Variants in CCDC157 observed in about 807,000 individuals in gnomAD.
CCDC157 encodes coiled-coil domain containing 157.
A neutral mutation model predicts 70.9 loss-of-function variants in CCDC157; 60 were observed. The ratio of observed to expected loss-of-function variants is 0.85; its 90% confidence interval spans 0.69 to 1.05. The LOEUF (loss-of-function observed/expected upper bound fraction) is 1.05. CCDC157 is among the 50% of genes least tolerant of loss of function. The probability of loss-of-function intolerance (pLI) is 0.00; values close to 1 mark genes in which losing one functional copy is unlikely to be tolerated. For missense variants in CCDC157, 943 were observed against 984.2 expected (o/e 0.96, Z 0.56); for synonymous variants, 373 against 422.4 (o/e 0.88, Z 1.43).
intron 9 of CCDC157, 181 bp downstream of exon 9, chr22:30,374,272 C>A: frequency 1.4e-6 from 1 of 698,128 alleles, no homozygotes; most frequent in Non-Finnish European, 2.5e-6. Context: ...CATGCGTCAT[C>A]CACTCTGCAT....
chr22:30,368,609 T>G (rs1344854400), intron 3 of CCDC157, among the ~76,000 whole-genome samples: 1 of 152,182 alleles, frequency 6.6e-6, no homozygotes, highest in Non-Finnish European at 1.5e-5. Context: ...AGTGCTGTTG[T>G]CCCTGTTTGC....
intron 2 of CCDC157, among the ~76,000 whole-genome samples, chr22:30,365,577 G>A (rs1932665570): frequency 6.6e-6 from 1 of 152,158 alleles, no homozygotes; most frequent in Admixed American, 6.5e-5. Context: ...GGATATGACA[G>A]TGGCCTGGTG....
chr22:30,372,367 G>C, intron 7 of CCDC157, 81 bp downstream of exon 7: 1 of 1,436,290 alleles, frequency 7.0e-7, no homozygotes, highest in Non-Finnish European at 9.1e-7. Context: ...GGGAATGGGG[G>C]ATCATCTATA....
intron 2 of CCDC157, among the ~76,000 whole-genome samples, chr22:30,364,749 A>G (rs989749772): frequency 1.3e-5 from 2 of 150,766 alleles, no homozygotes; most frequent in East Asian, 3.9e-4. Context: ...GCTGAGGTGG[A>G]GGCTGCAGTG....
At position 30,370,915 on chromosome 22, in the gene CCDC157, C is replaced by CT; in HGVS notation, c.1011dup (p.Glu338Ter). The CT allele has an allele frequency of 6.2e-7, 1 of 1,610,518 alleles. No homozygotes were observed. Among genetic ancestry groups the CT allele is most frequent in the Non-Finnish European group, 8.5e-7 (1 of 1,179,706 alleles). ...GCGGAGGAGGATGAGCAGTGCCTGT[C>CT]TGAGTGGGAGCACGACAAACAGCAG... On this transcript the variant is annotated frameshift_variant, in exon 5 of 12. Transcript: ENST00000338306. LOFTEE classifies it high-confidence loss of function.
chr22:30,375,674 G>A lies in CCDC157; in HGVS notation c.1857+11G>A. 1 of 1,607,992 alleles carries A rather than the reference G, an allele frequency of 6.2e-7. No homozygotes were observed. On this transcript the variant is annotated intron_variant, in intron 10 of 11. Coordinates refer to ENST00000338306, the MANE Select transcript of CCDC157 (RefSeq NM_001017437.5). ...CAGGGTGGCCTCAAGGTGGGCCTGA[G>A]AGGGCGGGCCCTTGGGGACCAGGAG... is the stretch of plus-strand genomic sequence containing the variant.
chr22:30,370,295 C>A, intron 4 of CCDC157, 31 bp from the exon 5 acceptor site: 1 of 1,607,364 alleles, frequency 6.2e-7, no homozygotes, highest in East Asian at 2.2e-5. Context: ...CTCTCCCTCA[C>A]CTGCTTTCCC....
At chr22:30,369,705 C>G (rs918259898) in intron 4 of CCDC157, 102 bp downstream of exon 4, 1 of 941,070 alleles carries the variant, frequency 1.1e-6, no homozygotes, top group Non-Finnish European at 1.5e-6. Flanking sequence ...TAGCCTACCA[C>G]TATGTGCACC....
chr22:30,364,419 C>A (rs1012662358), intron 2 of CCDC157, among the ~76,000 whole-genome samples: 4 of 152,122 alleles, frequency 2.6e-5, no homozygotes, highest in African/African-American at 7.2e-5. Context: ...TTGATCTTTA[C>A]AAATTATATG....
upstream of CCDC157, chr22:30,356,897 C>CCTG: frequency 9.5e-7 from 1 of 1,049,708 alleles, no homozygotes; most frequent in Non-Finnish European, 1.2e-6. Context: ...AAGATGGCGG[C>CCTG]GGCCGAGCGA....
At chr22:30,374,189 C>T (rs1408066373) in intron 9 of CCDC157, 98 bp downstream of exon 9, 1 of 1,418,064 alleles carries the variant, frequency 7.1e-7, no homozygotes, top group Non-Finnish European at 9.5e-7. Flanking sequence ...GCTCCCTAGC[C>T]TGCAGCAAGG....
rs940305859 is a variant in CCDC157 at position 30,377,977 on chromosome 22, G to A, written c.*1232G>A. The A allele has an allele frequency of 1.6e-5, 6 of 383,204 alleles. No individual in the cohort carries two copies. The Admixed American group carries it at 1.9e-4, about 12-fold the overall frequency. The allele number at this position is 383,204 out of a possible 1,614,324, so 23.7% of individuals were successfully genotyped here. A position where few individuals can be genotyped will look rare whatever the true frequency, so the allele number is the denominator to read the frequency against. On this transcript the variant is annotated 3_prime_UTR_variant, in exon 12 of 12. Transcript: ENST00000338306. ...CATCTACCAGGTTGCGTTCCTTTCT[G>A]CCGGTTCTGGGGAAGAATTGGCTTC...
intron 4 of CCDC157, 176 bp from the exon 5 acceptor site, chr22:30,370,150 G>A: frequency 1.3e-6 from 1 of 762,250 alleles, no homozygotes; most frequent in Non-Finnish European, 2.2e-6. Flanking sequence ...AGTAAGCTGA[G>A]TCAGAGTAAC....
chr22:30,377,158 T>C lies in CCDC157; in HGVS notation c.*413T>C, dbSNP rs1014670977. ...TGGGAGTGGACAGAGGAAGGGCCGGTGAGGATGTCTGAAGCAGGCAGAGGG... is the reference window on the plus strand; with the variant it reads ...TGGGAGTGGACAGAGGAAGGGCCGGCGAGGATGTCTGAAGCAGGCAGAGGG... On this transcript the variant is annotated 3_prime_UTR_variant, in exon 12 of 12. Transcript: ENST00000338306. The C allele has an allele frequency of 5.2e-5, 11 of 212,442 alleles. No individual in the cohort carries two copies. Among genetic ancestry groups the C allele is most frequent in the African/African-American group, 2.2e-4 (10 of 44,516 alleles). 13.2% of individuals were successfully genotyped at this position (212,442 alleles called of 1,614,324 possible). A position where few individuals can be genotyped will look rare whatever the true frequency, so the allele number is the denominator to read the frequency against.
At chr22:30,374,471 C>G in intron 9 of CCDC157, 1 of 472,622 alleles carries the variant, frequency 2.1e-6, no homozygotes, top group Non-Finnish European at 4.2e-6. Flanking sequence ...TGGGACTAGT[C>G]CCAAGGACAC....
chr22:30,359,548 C>T (rs1932185980), intron 1 of CCDC157, among the ~76,000 whole-genome samples: 1 of 152,216 alleles, frequency 6.6e-6, no homozygotes, highest in African/African-American at 2.4e-5. Flanking sequence ...TGAATGCACA[C>T]ACAGCATCCA....
chr22:30,365,579 G>C (rs1251332875), intron 2 of CCDC157, among the ~76,000 whole-genome samples: 1 of 152,092 alleles, frequency 6.6e-6, no homozygotes, highest in Non-Finnish European at 1.5e-5. Context: ...ATATGACAGT[G>C]GCCTGGTGTG....
intron 5 of CCDC157, chr22:30,371,432 G>C: frequency 1.7e-6 from 1 of 575,966 alleles, no homozygotes; most frequent in East Asian, 2.8e-5. Flanking sequence ...ACGACACCAA[G>C]GCCCAGAGAG....
rs374267616 is a variant in CCDC157, at chr22:30,377,667, C to T, written c.*922C>T. On this transcript the variant is annotated 3_prime_UTR_variant, in exon 12 of 12. Coordinates refer to ENST00000338306, the MANE Select transcript of CCDC157 (RefSeq NM_001017437.5). ...GGCCATGTATATAGCTGAGCTACCA[C>T]AGCTTTGGTCAGCCCAACTTCCTGC... 1 of 168,590 alleles carries T rather than the reference C, an allele frequency of 5.9e-6. No individual in the cohort carries two copies. Among genetic ancestry groups the T allele is most frequent in the African/African-American group, 2.4e-5 (1 of 42,136 alleles). The allele number at this position is 168,590 out of a possible 1,614,324, so 10.4% of individuals were successfully genotyped here.
Sources: gnomAD v4.1 joint callset for allele counts (sites outside exome capture counted in the v4.1 genomes callset) on GRCh38, gnomAD v4.1.1 for gene constraint, MANE v1.5 for transcripts, NCBI Gene and HGNC (gene_info 2026-07-23, HGNC 2026-07-21) for gene names.